Variants in TENM2 observed in about 807,000 individuals in gnomAD.
The protein encoded by TENM2 is teneurin-2.
Under a neutral mutation model 245.2 loss-of-function variants are expected in TENM2, and 52 were observed. The ratio of observed to expected loss-of-function variants is 0.21; its 90% CI spans 0.17 to 0.27. TENM2 has a LOEUF of 0.27. Among genes scored for constraint, TENM2 ranks in the 10% least tolerant of loss-of-function variants. The pLI, the probability that TENM2 is intolerant of heterozygous loss-of-function variation, is 1.00. For synonymous variants in TENM2, 1,363 were observed against 1,438.9 expected (o/e 0.95, Z 1.19); for missense variants, 3,046 against 3,666.8 (o/e 0.83, Z 4.37).
chr5:167,279,510 T>G, the TENM2 span, among the ~76,000 whole-genome samples: 215 of 128,416 alleles, frequency 1.7e-3, no homozygotes, highest in South Asian at 6.2e-3. Context: ...CTTTCCTTCC[T>G]TCCTTTCCTT....
intron 6 of TENM2, among the ~76,000 whole-genome samples, chr5:168,054,803 G>A (rs148720508): frequency 5.3e-4 from 81 of 152,296 alleles, no homozygotes; most frequent in African/African-American, 1.7e-3. Flanking sequence ...GCAATCTTCC[G>A]TGGAGTTATA....
chr5:167,111,867 A>G, the TENM2 span, among the ~76,000 whole-genome samples: 10 of 152,320 alleles, frequency 6.6e-5, no homozygotes, highest in African/African-American at 2.4e-4. Context: ...ATTCCGTCCT[A>G]TTATGCCTCA....
chr5:167,604,732 G>A (rs1776903246), intron 2 of TENM2, among the ~76,000 whole-genome samples: 1 of 152,168 alleles, frequency 6.6e-6, no homozygotes, highest in Non-Finnish European at 1.5e-5. Context: ...CAGTGACCCA[G>A]GTCTTTTGGC....
At chr5:167,686,315 T>C (rs1757071776) in intron 2 of TENM2, among the ~76,000 whole-genome samples, 1 of 152,212 alleles carries the variant, frequency 6.6e-6, no homozygotes, top group African/African-American at 2.4e-5. Flanking sequence ...AGATTAGAGA[T>C]GGAAAAGTCT....
intron 2 of TENM2, among the ~76,000 whole-genome samples, chr5:167,594,475 T>G (rs1776070352): frequency 6.6e-6 from 1 of 152,228 alleles, no homozygotes; most frequent in Non-Finnish European, 1.5e-5. Context: ...TTCTAGATAT[T>G]GGAAATCAGA....
At chr5:167,892,377 AAC>A (rs1285848234) in intron 3 of TENM2, among the ~76,000 whole-genome samples, 2 of 152,210 alleles carry the variant, frequency 1.3e-5, no homozygotes, top group Non-Finnish European at 2.9e-5. Flanking sequence ...TCTTCTAAGA[AAC>A]ATTCCCATGT....
chr5:168,118,249 G>C (rs746245192), intron 9 of TENM2, 43 bp from the exon 12 acceptor site: 2 of 1,443,196 alleles, frequency 1.4e-6, no homozygotes, highest in African/African-American at 2.8e-5. Flanking sequence ...CCCCTCGGAT[G>C]CTGGCCCTTC....
chr5:167,646,177 C>CATATATATATATGTTGTTTTCATAT (rs1561634043), intron 2 of TENM2, among the ~76,000 whole-genome samples: 7 of 84,160 alleles, frequency 8.3e-5, no homozygotes, highest in East Asian at 4.0e-4. Context: ...ATGTTGTTTT[C>CATATATATATATGTTGTTTTCATAT]ATATATATAT....
intron 2 of TENM2, among the ~76,000 whole-genome samples, chr5:167,707,252 T>C (rs149197797): frequency 6.6e-6 from 1 of 152,248 alleles, no homozygotes; most frequent in African/African-American, 2.4e-5. Context: ...CATTTTTAAA[T>C]CAGGTTGTTA....
At chr5:167,502,713 A>G (rs1769288406) in intron 2 of TENM2, among the ~76,000 whole-genome samples, 1 of 152,226 alleles carries the variant, frequency 6.6e-6, no homozygotes. Flanking sequence ...TTTAGTCAAA[A>G]TCACTGCAGC....
chr5:167,158,157 A>G, the TENM2 span, among the ~76,000 whole-genome samples: 2 of 152,166 alleles, frequency 1.3e-5, no homozygotes, highest in Non-Finnish European at 2.9e-5. Context: ...ATTTTATTTT[A>G]AAATAAAACA....
rs112175161 is a variant in TENM2, at chr5:167,632,393, A to G, written c.503-243593A>G. ...AGTCTATTACAAAATATGTGAATAC[A>G]TATAAATATAATAAAATGCCAAAGT... On this transcript the variant is annotated intron_variant, in intron 2 of 28. Coordinates refer to ENST00000518659, the Ensembl canonical transcript of TENM2. Among the ~76,000 whole-genome samples, 1,070 of 152,332 alleles carry G rather than the reference A, an allele frequency of 7.0e-3. 4 individuals are homozygous for G. The highest frequency in any genetic ancestry group is 0.024 in the African/African-American group (986 of 41,564).
chr5:167,241,663 G>C, the TENM2 span, among the ~76,000 whole-genome samples: 1 of 152,226 alleles, frequency 6.6e-6, no homozygotes. Context: ...GGTTGAATGA[G>C]ATGAGGACTG....
At chr5:167,936,618 C>T (rs554068500) in intron 3 of TENM2, among the ~76,000 whole-genome samples, 1 of 152,252 alleles carries the variant, frequency 6.6e-6, no homozygotes, top group African/African-American at 2.4e-5. Context: ...TAGCATTCAG[C>T]GTGATGTTTA....
intron 2 of TENM2, among the ~76,000 whole-genome samples, chr5:167,724,153 A>C (rs576673197): frequency 6.6e-6 from 1 of 152,334 alleles, no homozygotes; most frequent in South Asian, 2.1e-4. Flanking sequence ...ATATCAGTAC[A>C]ATATTGGTAA....
the TENM2 span, among the ~76,000 whole-genome samples, chr5:167,099,135 C>T: frequency 3.9e-5 from 6 of 152,064 alleles, no homozygotes; most frequent in African/African-American, 1.4e-4. Flanking sequence ...CCAGCTCTAC[C>T]GCTTACTAGC....
At chr5:167,114,893 A>G in the TENM2 span, among the ~76,000 whole-genome samples, 1 of 152,256 alleles carries the variant, frequency 6.6e-6, no homozygotes, top group Admixed American at 6.5e-5. Flanking sequence ...GTGAAAAGAT[A>G]AAGTTGAAAT....
chr5:168,070,918 G>A (rs1462608051), intron 7 of TENM2, among the ~76,000 whole-genome samples: 2 of 151,722 alleles, frequency 1.3e-5, no homozygotes, highest in African/African-American at 4.8e-5. Context: ...AGAAACCACT[G>A]TGGAAGTGCT....
At chr5:167,158,903 C>CCT in the TENM2 span, among the ~76,000 whole-genome samples, 111 of 135,992 alleles carry the variant, frequency 8.2e-4, 1 homozygote, top group Middle Eastern at 3.9e-3. Flanking sequence ...TTCCTTCCTT[C>CCT]CTTCCTCTTC....
Sources: allele counts gnomAD v4.1 joint callset (sites outside exome capture counted in the v4.1 genomes callset), GRCh38; gene constraint gnomAD v4.1.1; transcripts MANE v1.5; gene names NCBI Gene and HGNC (gene_info 2026-07-23, HGNC 2026-07-21).